DIDO1: variants seen among roughly 807,000 people sequenced by gnomAD.
The protein encoded by DIDO1 is death-inducer obliterator 1.
A neutral mutation model predicts 99.4 loss-of-function variants in DIDO1; 16 were observed. That is an observed-to-expected ratio of 0.16 (90% CI 0.11 to 0.24). The LOEUF (loss-of-function observed/expected upper bound fraction) is 0.24. Among genes scored for constraint, DIDO1 ranks in the 10% least tolerant of loss-of-function variants. The pLI is 1.00. For missense variants in DIDO1, 2,996 were observed against 3,014.0 expected, an observed-to-expected ratio of 0.99 and a Z score of 0.14; for synonymous variants, 1,366 against 1,239.1, an observed-to-expected ratio of 1.10 and a Z score of -2.15.
Position 62,894,288 on chromosome 20 carries a change from G to A in DIDO1, c.2573-94C>T. ...AAAGCAATACTCTAAAGGCAGGGCA[G>A]GAAATCATTCTGGCCCTTCTGCGTG... On this transcript the variant is annotated intron_variant, in intron 11 of 15. Coordinates refer to ENST00000395343, the MANE Select transcript of DIDO1 (RefSeq NM_001193369.2). The surrounding 1 kb of genome is among the most constrained non-coding windows in gnomAD (Gnocchi z 4.4). The A allele has an allele frequency of 6.4e-7, 1 of 1,571,244 alleles. No individual in the cohort carries two copies. The highest frequency in any genetic ancestry group is 8.6e-7 in the Non-Finnish European group (1 of 1,157,348).
At position 62,894,981 on chromosome 20, in the gene DIDO1, C is replaced by T; in HGVS notation, c.2332-67G>A. The T allele has an allele frequency of 6.3e-7, 1 of 1,597,790 alleles. No individual in the cohort carries two copies. Among genetic ancestry groups the T allele is most frequent in the East Asian group, 2.2e-5 (1 of 44,690 alleles). ...TAGGAGGAAAGCATCGCTTATGCAGCCGTCTATGAATTTATTTCTATTAAG... is the reference window on the plus strand; with the variant it reads ...TAGGAGGAAAGCATCGCTTATGCAGTCGTCTATGAATTTATTTCTATTAAG... On this transcript the variant is annotated intron_variant, in intron 9 of 15. Coordinates refer to ENST00000395343, the MANE Select transcript of DIDO1 (RefSeq NM_001193369.2). This position sits in a 1 kb window ranked among gnomAD's most constrained non-coding sequence, Gnocchi z 4.4.
At chr20:62,927,378 C>A (rs1276824309), upstream of DIDO1, among the ~76,000 whole-genome samples, 4 of 152,218 alleles carry the variant, frequency 2.6e-5, no homozygotes, top group Non-Finnish European at 4.4e-5. Context: ...GGATTTTCTT[C>A]AGTTCGCTCA....
rs746246740 is a variant in DIDO1, at chr20:62,880,771, G to A, written c.5185C>T (p.Pro1729Ser). The change falls in exon 16 of 16, where the codon CCC becomes TCC. Residue 1729 changes from proline (P) to serine (S), a missense_variant. Coordinates refer to ENST00000395343, the MANE Select transcript of DIDO1 (RefSeq NM_001193369.2). Reference sequence around the variant, plus strand: ...GGGAGCGGGGCGGTGCCCTCGCCGGGTCTGGCCTGTGGCTCTCTGTCCCCC... The same window carrying A: ...GGGAGCGGGGCGGTGCCCTCGCCGGATCTGGCCTGTGGCTCTCTGTCCCCC... ...TEGDREPQAR[P>S]GEGTAPLPPP... is the part of the protein sequence containing the mutation. 1.9e-6 allele frequency: 3 copies of A among 1,612,754 alleles called. No homozygotes were observed. Among genetic ancestry groups the A allele is most frequent in the African/African-American group, 1.3e-5 (1 of 75,068 alleles).
rs990280951 is a variant in DIDO1, at chr20:62,919,245, G to A, written c.-199-4839C>T. 3.9e-5 allele frequency among the ~76,000 whole-genome samples: 6 copies of A among 152,100 alleles called. No homozygotes were observed. In the East Asian group the frequency reaches 5.8e-4, roughly 15 times the overall value. On this transcript the variant is annotated intron_variant, in intron 1 of 15. Transcript: ENST00000395343. ...GTTTTGCTGCTTACCAAATAATACC[G>A]TCATTACAAAAATTATTCTGGGCCG...
In DIDO1 at chr20:62,917,504, C is replaced by T. The variant is rs555352227; in HGVS notation, c.-199-3098G>A. On this transcript the variant is annotated intron_variant, in intron 1 of 15. Coordinates refer to ENST00000395343, the MANE Select transcript of DIDO1 (RefSeq NM_001193369.2). ...GAGACATCACTCGTTTTGGACAAAA[C>T]GCCTGCCACATGCTGAGTCTGAAAA... Among the ~76,000 whole-genome samples, 28 of 152,278 alleles carry T rather than the reference C, an allele frequency of 1.8e-4. No homozygotes were observed. In the East Asian group the frequency reaches 4.2e-3, roughly 23 times the overall value.
intron 3 of DIDO1, among the ~76,000 whole-genome samples, chr20:62,910,261 C>G (rs2064900092): frequency 6.6e-6 from 1 of 152,198 alleles, no homozygotes; most frequent in African/African-American, 2.4e-5. Flanking sequence ...GATACCTCAG[C>G]AAGTCTCCCC....
intron 15 of DIDO1, chr20:62,887,171 C>T (rs1284147334): frequency 1.0e-6 from 1 of 985,372 alleles, no homozygotes; most frequent in Non-Finnish European, 1.2e-6. Context: ...GATAGGTGAC[C>T]AGGAGCCACC....
chr20:62,936,210 C>T (rs983721071), intron 1 of DIDO1, among the ~76,000 whole-genome samples: 1 of 151,872 alleles, frequency 6.6e-6, no homozygotes, highest in African/African-American at 2.4e-5. Context: ...CCCAGGAGAT[C>T]GAGACCAGCC....
chr20:62,880,464 A>G lies in DIDO1; in HGVS notation c.5492T>C (p.Leu1831Pro), dbSNP rs747789386. Residue 1831 changes from leucine to proline, a missense_variant, in exon 16 of 16, where the codon CTT (leucine) becomes CCT (proline). This residue lies in a region of DIDO1 where 1,562 missense variants were observed against 1,412.6 expected (regional missense o/e 1.11). Transcript: ENST00000395343. ...TGGTGCCACTCCTCGTGGTCCACCA[A>G]GGTAAGAGGGTGAGGGGCCTCTGCT... ...GDSRGPSPSY[L>P]GGPRGVAPSQ... The G allele has an allele frequency of 1.9e-6, 3 of 1,612,766 alleles. No homozygotes were observed. Among genetic ancestry groups the G allele is most frequent in the South Asian group, 1.1e-5 (1 of 91,086 alleles).
chr20:62,906,806 G>A (rs1033063836), intron 5 of DIDO1, among the ~76,000 whole-genome samples: 2 of 152,074 alleles, frequency 1.3e-5, no homozygotes, highest in Non-Finnish European at 2.9e-5. Flanking sequence ...CCCCGAACCC[G>A]CCTCCCACTC....
chr20:62,900,873 C>T (rs1215397410), intron 6 of DIDO1, among the ~76,000 whole-genome samples: 1 of 152,206 alleles, frequency 6.6e-6, no homozygotes, highest in Non-Finnish European at 1.5e-5. Flanking sequence ...ACAGACTCAA[C>T]AGTCAGTGAA....
At chr20:62,906,192 T>C (rs1334257837) in intron 5 of DIDO1, 92 bp from the exon 6 acceptor site, 2 of 1,491,106 alleles carry the variant, frequency 1.3e-6, no homozygotes, top group Non-Finnish European at 9.0e-7. Flanking sequence ...GGACCCAATG[T>C]CTTCCTGAGG....
Position 62,911,842 on chromosome 20 carries a change from G to A in DIDO1, c.-2-228C>T, listed in dbSNP as rs571511711. On this transcript the variant is annotated intron_variant, in intron 2 of 15. Coordinates refer to ENST00000395343, the MANE Select transcript of DIDO1 (RefSeq NM_001193369.2). This position sits in a 1 kb window ranked among gnomAD's most constrained non-coding sequence, Gnocchi z 7.0. ...CAACTAACGTTTAGACAAAAATACA[G>A]CTAACAAATCAAATGTACAATTTCA... Among the ~76,000 whole-genome samples the A allele has an allele frequency of 1.3e-5, 2 of 152,330 alleles. No homozygotes were observed. The highest frequency in any genetic ancestry group is 4.1e-4 in the South Asian group (2 of 4,826).
chr20:62,888,356 G>GC, intron 15 of DIDO1: 1 of 985,532 alleles, frequency 1.0e-6, no homozygotes, highest in Non-Finnish European at 1.2e-6. Flanking sequence ...TCCCACATCA[G>GC]TGCCCTGATG....
chr20:62,923,919 T>C (rs904480013), intron 1 of DIDO1, among the ~76,000 whole-genome samples: 1 of 152,028 alleles, frequency 6.6e-6, no homozygotes, highest in Non-Finnish European at 1.5e-5. Flanking sequence ...GGTTACAGAA[T>C]TCTTATTAAA....
rs774759555 is a variant in DIDO1, at chr20:62,909,797, T to C, written c.1063A>G (p.Thr355Ala). 5 of 1,614,288 alleles carry C rather than the reference T, an allele frequency of 3.1e-6. No individual in the cohort carries two copies. In the African/African-American group the frequency reaches 4.0e-5, roughly 13 times the overall value. The change falls in exon 4 of 16, where the codon ACA becomes GCA. Residue 355 changes from threonine (T) to alanine (A), a missense_variant. Physicochemically the swap from Thr to Ala is moderately conservative, Grantham distance 58. Around this residue, in one of 5 missense-constraint regions of DIDO1, gnomAD observed 898 missense variants for 972.7 expected, o/e 0.92. Coordinates refer to ENST00000395343, the MANE Select transcript of DIDO1 (RefSeq NM_001193369.2). Reference protein sequence around the residue: ...ADGTDCTSIGTIEQKSSEDQG... With the variant: ...ADGTDCTSIGAIEQKSSEDQG... ...TCTTCGCTAGACTTCTGCTCTATTGTTCCTATACTTGTACAATCGGTGCCA... is the reference window on the plus strand; with the variant it reads ...TCTTCGCTAGACTTCTGCTCTATTGCTCCTATACTTGTACAATCGGTGCCA...
chr20:62,891,861 G>T, intron 14 of DIDO1, 126 bp downstream of exon 14: 1 of 762,058 alleles, frequency 1.3e-6, no homozygotes, highest in Non-Finnish European at 2.1e-6. Context: ...CATTCACCTG[G>T]AAATATCTAG....
intron 1 of DIDO1, among the ~76,000 whole-genome samples, chr20:62,914,861 T>C (rs1322530853): frequency 1.3e-5 from 2 of 152,264 alleles, no homozygotes; most frequent in African/African-American, 2.4e-5. Context: ...TTCTTAATAA[T>C]GTATCTGAAT....
At chr20:62,885,217 G>A (rs1197380265) in intron 15 of DIDO1, among the ~76,000 whole-genome samples, 2 of 152,210 alleles carry the variant, frequency 1.3e-5, no homozygotes, top group South Asian at 2.1e-4. Context: ...CTGACACGGG[G>A]AACAGACACA....
Sources: allele counts gnomAD v4.1 joint callset (sites outside exome capture counted in the v4.1 genomes callset), GRCh38; gene constraint gnomAD v4.1.1; regional missense constraint gnomAD v4.1.1; non-coding constraint Gnocchi (gnomAD v3.1); transcripts MANE v1.5; gene names NCBI Gene and HGNC (gene_info 2026-07-23, HGNC 2026-07-21).